Variants in MMP26 observed in about 807,000 individuals in gnomAD.
MMP26 encodes matrix metalloproteinase-26.
Under a neutral mutation model 31.0 loss-of-function variants are expected in MMP26, and 33 were observed. The observed-to-expected ratio is 1.06, with a 90% confidence interval of 0.81 to 1.42. MMP26 has a LOEUF of 1.42. Among genes scored for constraint, MMP26 ranks in the 40% most tolerant of loss-of-function variants. The probability of loss-of-function intolerance (pLI) is 0.00; values close to 1 mark genes in which losing one functional copy is unlikely to be tolerated. For synonymous variants in MMP26, 122 were observed against 114.9 expected, an observed-to-expected ratio of 1.06 and a Z score of -0.40; for missense variants, 347 against 316.1, an observed-to-expected ratio of 1.10 and a Z score of -0.74.
At chr11:4,929,768 T>C (rs1485620528) in intron 2 of MMP26, among the ~76,000 whole-genome samples, 2 of 152,146 alleles carry the variant, frequency 1.3e-5, no homozygotes, top group Admixed American at 1.3e-4. Context: ...ATTATGTTAT[T>C]CTAATTCATT....
intron 1 of MMP26, among the ~76,000 whole-genome samples, chr11:4,740,100 A>G (rs1005586027): frequency 1.1e-4 from 16 of 150,084 alleles, no homozygotes; most frequent in Non-Finnish European, 1.0e-4. Context: ...ACGGAAGAGT[A>G]TATTAACTAA....
At chr11:4,710,351 A>C (rs768697032) in intron 1 of MMP26, 2 of 456,686 alleles carry the variant, frequency 4.4e-6, no homozygotes, top group Non-Finnish European at 8.8e-6. Flanking sequence ...TCAGTTTGTC[A>C]CCAGTGCACA....
chr11:4,712,540 A>G (rs1220955115), intron 1 of MMP26: 1 of 152,150 alleles, frequency 6.6e-6, no homozygotes, highest in African/African-American at 2.4e-5. Flanking sequence ...AGTTATTTAA[A>G]TTTCATATGG....
intron 2 of MMP26, chr11:4,915,318 CGAG>C: frequency 6.2e-7 from 1 of 1,613,758 alleles, no homozygotes; most frequent in Non-Finnish European, 8.5e-7. Context: ...ACAGAGGACT[CGAG>C]GAAGGAGAAG....
intron 2 of MMP26, among the ~76,000 whole-genome samples, chr11:4,941,766 AAC>A: frequency 7.6e-6 from 1 of 131,144 alleles, no homozygotes; most frequent in Non-Finnish European, 1.6e-5. Context: ...GAAATAAGCA[AAC>A]TGTTTGCTGC....
intron 1 of MMP26, chr11:4,723,931 T>A (rs1243993618): frequency 1.1e-6 from 1 of 876,192 alleles, no homozygotes; most frequent in Non-Finnish European, 1.9e-6. Context: ...GATGTTGGGA[T>A]CTACCTCCAG....
intron 2 of MMP26, among the ~76,000 whole-genome samples, chr11:4,786,253 G>T (rs984620212): frequency 9.2e-5 from 14 of 152,094 alleles, no homozygotes; most frequent in African/African-American, 3.4e-4. Flanking sequence ...TTCTGGATCT[G>T]ATTCTAGTAG....
At chr11:4,795,843 G>GGAGA (rs142600384) in intron 2 of MMP26, among the ~76,000 whole-genome samples, 8,519 of 142,204 alleles carry the variant, frequency 0.06, 308 homozygotes, top group Middle Eastern at 0.12. Context: ...AGAGAGAGAG[G>GGAGA]GAGAGAGAGA....
chr11:4,898,710 A>T (rs1433194115), intron 2 of MMP26, among the ~76,000 whole-genome samples: 1 of 151,988 alleles, frequency 6.6e-6, no homozygotes, highest in Non-Finnish European at 1.5e-5. Flanking sequence ...TATATAGGGG[A>T]CATTTACTTA....
intron 1 of MMP26, among the ~76,000 whole-genome samples, chr11:4,765,132 G>A (rs1350533614): frequency 2.0e-5 from 3 of 151,926 alleles, no homozygotes; most frequent in African/African-American, 4.8e-5. Context: ...TTCATATGTC[G>A]GAGCATGGGC....
At chr11:4,737,233 T>G (rs990207255) in intron 1 of MMP26, among the ~76,000 whole-genome samples, 1 of 152,238 alleles carries the variant, frequency 6.6e-6, no homozygotes, top group African/African-American at 2.4e-5. Flanking sequence ...ATTTTTAGGA[T>G]TTTAACGTCT....
intron 2 of MMP26, among the ~76,000 whole-genome samples, chr11:4,797,951 A>C (rs1205816344): frequency 6.6e-6 from 1 of 152,194 alleles, no homozygotes; most frequent in African/African-American, 2.4e-5. Context: ...AAAAGGTGCT[A>C]CTTATGTTAT....
rs72860825 is a variant in MMP26 at position 4,972,195 on chromosome 11, T to G, written c.-144-15873T>G. ...GATATGGAGGGGAAGGGGCTTTGGT[T>G]AAACTGACCTAGCATGACTCTTGCT... On this transcript the variant is annotated intron_variant, in intron 2 of 7. Coordinates refer to ENST00000380390, the MANE Select transcript of MMP26 (RefSeq NM_021801.5). Among the ~76,000 whole-genome samples the G allele has an allele frequency of 3.8e-3, 582 of 152,298 alleles. 6 individuals carry two copies. The highest frequency in any genetic ancestry group is 4.5e-3 in the Non-Finnish European group (307 of 68,038).
chr11:4,916,431 C>T (rs1476607887), intron 2 of MMP26, among the ~76,000 whole-genome samples: 3 of 150,000 alleles, frequency 2.0e-5, no homozygotes. Flanking sequence ...TGCCTTTTTT[C>T]TACCAGGCCT....
intron 2 of MMP26, among the ~76,000 whole-genome samples, chr11:4,794,484 A>G (rs1367356981): frequency 6.6e-6 from 1 of 152,108 alleles, no homozygotes; most frequent in Admixed American, 6.6e-5. Flanking sequence ...TGGATGTTGC[A>G]TATATTTCTT....
At chr11:4,907,373 T>A in intron 2 of MMP26, 1 of 1,606,250 alleles carries the variant, frequency 6.2e-7, no homozygotes, top group South Asian at 1.1e-5. Context: ...CCTCATTATG[T>A]CTGTTCTCAA....
At chr11:4,726,085 G>A (rs1473123102) in intron 1 of MMP26, among the ~76,000 whole-genome samples, 1 of 152,164 alleles carries the variant, frequency 6.6e-6, no homozygotes, top group Non-Finnish European at 1.5e-5. Flanking sequence ...AGTTTGTTGG[G>A]AGACTTTGAT....
intron 2 of MMP26, among the ~76,000 whole-genome samples, chr11:4,986,932 C>CCTCTCTCTCT (rs1194074123): frequency 6.3e-4 from 38 of 60,426 alleles, no homozygotes; most frequent in Admixed American, 1.4e-3. Flanking sequence ...TCTCTCTCTC[C>CCTCTCTCTCT]CTCTCTCTCT....
At chr11:4,793,499 C>T (rs1016475447) in intron 2 of MMP26, among the ~76,000 whole-genome samples, 2 of 152,120 alleles carry the variant, frequency 1.3e-5, no homozygotes, top group Non-Finnish European at 2.9e-5. Flanking sequence ...TATCCATTTT[C>T]CTAAGACATT....
Sources: gnomAD v4.1 joint callset for allele counts (sites outside exome capture counted in the v4.1 genomes callset) on GRCh38, gnomAD v4.1.1 for gene constraint, MANE v1.5 for transcripts, NCBI Gene and HGNC (gene_info 2026-07-23, HGNC 2026-07-21) for gene names.